Variants in ITPKC observed in about 807,000 individuals in gnomAD.
The protein encoded by ITPKC is IP3 3-kinase C.
Under a neutral mutation model 67.1 loss-of-function variants are expected in ITPKC, and 33 were observed. The ratio of observed to expected loss-of-function variants is 0.49; its 90% confidence interval spans 0.37 to 0.66. ITPKC has a LOEUF of 0.66. Among genes scored for constraint, ITPKC ranks in the 30% least tolerant of loss-of-function variants. ITPKC has a pLI of 0.00. For missense variants in ITPKC, 820 were observed against 892.1 expected (o/e 0.92, Z 1.03); for synonymous variants, 341 against 359.8 (o/e 0.95, Z 0.59).
At chr19:40,731,946 A>C (rs932194656) in intron 3 of ITPKC, among the ~76,000 whole-genome samples, 12 of 151,906 alleles carry the variant, frequency 7.9e-5, no homozygotes, top group Admixed American at 3.9e-4. Context: ...AAATTATAAC[A>C]AAAGATTGTG....
intron 6 of ITPKC, 51 bp downstream of exon 6, chr19:40,737,820 G>A (rs960604761): frequency 1.4e-6 from 2 of 1,450,762 alleles, no homozygotes; most frequent in South Asian, 1.1e-5. Context: ...GGGTCCAGGT[G>A]CATGGAGGGG....
At chr19:40,731,432 C>T (rs1420330560) in intron 3 of ITPKC, among the ~76,000 whole-genome samples, 1 of 152,120 alleles carries the variant, frequency 6.6e-6, no homozygotes, top group African/African-American at 2.4e-5. Context: ...CAAAACCAGT[C>T]CCTGGTTGGG....
intron 1 of ITPKC, among the ~76,000 whole-genome samples, 184 bp downstream of exon 1, chr19:40,718,474 C>G (rs192494647): frequency 6.6e-6 from 1 of 152,124 alleles, no homozygotes; most frequent in African/African-American, 2.4e-5. Flanking sequence ...CTCCAGGCAC[C>G]CCTTCTTAAT....
chr19:40,729,649 C>T (rs944679926), intron 3 of ITPKC, among the ~76,000 whole-genome samples: 2 of 152,062 alleles, frequency 1.3e-5, no homozygotes, highest in African/African-American at 4.8e-5. Context: ...TGCCTGTAAT[C>T]CCAGCTACTC....
At chr19:40,733,401 G>A (rs776689346) in intron 4 of ITPKC, 37 bp downstream of exon 4, 2 of 1,559,386 alleles carry the variant, frequency 1.3e-6, no homozygotes, top group South Asian at 1.2e-5. Flanking sequence ...TCCCGGGAAG[G>A]CCTATAGCCA....
Position 40,717,112 on chromosome 19 carries a change from G to T in ITPKC, c.-24G>T. On this transcript the variant is annotated 5_prime_UTR_variant, in exon 1 of 7. Transcript: ENST00000263370. ...AGGGATAGGAGGGGCCGGGTCGGCC[G>T]AAGCCCGAACCGAAGGAGCGGGCAT... 8.3e-7 allele frequency: 1 copy of T among 1,210,736 alleles called. No individual in the cohort carries two copies. Among genetic ancestry groups the T allele is most frequent in the Non-Finnish European group, 1.0e-6 (1 of 971,162 alleles). The allele number at this position is 1,210,736 out of a possible 1,614,324, so 75.0% of individuals were successfully genotyped here. A position where few individuals can be genotyped will look rare whatever the true frequency, so the allele number is the denominator to read the frequency against.
Position 40,740,278 on chromosome 19 carries a change from C to T in ITPKC, c.*718C>T, listed in dbSNP as rs1449770379. 6.5e-6 allele frequency: 1 copy of T among 153,446 alleles called. No homozygotes were observed. Among genetic ancestry groups the T allele is most frequent in the African/African-American group, 2.4e-5 (1 of 41,506 alleles). 9.5% of individuals were successfully genotyped at this position (153,446 alleles called of 1,614,324 possible). A position where few individuals can be genotyped will look rare whatever the true frequency, so the allele number is the denominator to read the frequency against. On this transcript the variant is annotated 3_prime_UTR_variant, in exon 7 of 7. Coordinates refer to ENST00000263370, the MANE Select transcript of ITPKC (RefSeq NM_025194.3). ...CACAGCCACATCCCAGCTTCTGTGC[C>T]AGCACTGTGACAGTACCTCGCTCCT...
intron 2 of ITPKC, 143 bp from the exon 3 acceptor site, chr19:40,729,057 TAA>T: frequency 1.7e-6 from 1 of 600,434 alleles, no homozygotes; most frequent in Non-Finnish European, 2.9e-6. Context: ...TTAAAATCAT[TAA>T]AAAAAAAGTT....
rs748464258 is a variant in ITPKC, at chr19:40,717,688, C to T, written c.553C>T (p.Pro185Ser). 12 of 1,613,940 alleles carry T rather than the reference C, an allele frequency of 7.4e-6. No homozygotes were observed. In the East Asian group the frequency reaches 1.8e-4, roughly 24 times the overall value. Residue 185 changes from proline (P) to serine (S), a missense_variant, in exon 1 of 7, where the codon CCA (proline) becomes TCA (serine). Around this residue, in one of 2 missense-constraint regions of ITPKC, gnomAD observed 481 missense variants for 470.1 expected, o/e 1.02. Transcript: ENST00000263370. Reference sequence around the variant, plus strand: ...GGAAACGCATGGGTCACAGACTCAGCCAGAGAGGGTCAAGTCCTGGGCTGA... The same window carrying T: ...GGAAACGCATGGGTCACAGACTCAGTCAGAGAGGGTCAAGTCCTGGGCTGA... Reference protein sequence around the residue: ...ELETHGSQTQPERVKSWADNL... With the variant: ...ELETHGSQTQSERVKSWADNL...
In ITPKC at chr19:40,718,310, C is replaced by T. The variant is rs773179570; in HGVS notation, c.1155+20C>T. On this transcript the variant is annotated intron_variant, in intron 1 of 6. Transcript: ENST00000263370. The stretch of plus-strand genomic sequence containing the variant: ...TCTGGGGTGAGTGGGACCCATCCTG[C>T]CCTTGAGCCACATCACGCAAAACTC... The T allele has an allele frequency of 2.7e-6, 4 of 1,496,272 alleles. No individual in the cohort carries two copies. In the East Asian group the frequency reaches 9.1e-5, roughly 34 times the overall value. The allele number at this position is 1,496,272 out of a possible 1,614,324, so 92.7% of individuals were successfully genotyped here. A position where few individuals can be genotyped will look rare whatever the true frequency, so the allele number is the denominator to read the frequency against.
intron 2 of ITPKC, among the ~76,000 whole-genome samples, chr19:40,726,209 G>T (rs1295617520): frequency 6.6e-6 from 1 of 151,342 alleles, no homozygotes; most frequent in African/African-American, 2.4e-5. Context: ...GCATTGCACT[G>T]CAGCCTGAGT....
Position 40,733,218 on chromosome 19 carries a change from A to G in ITPKC, c.1528A>G (p.Met510Val). 1 of 1,614,234 alleles carries G rather than the reference A, an allele frequency of 6.2e-7. No homozygotes were observed. The highest frequency in any genetic ancestry group is 8.5e-7 in the Non-Finnish European group (1 of 1,180,044). Reference sequence around the variant, plus strand: ...GGAACGTCCCCGTCCCCGGAAGGACATGTATGAGAAGATGGTGGCTGTGGA... The same window carrying G: ...GGAACGTCCCCGTCCCCGGAAGGACGTGTATGAGAAGATGGTGGCTGTGGA... Reference protein sequence around the residue: ...ARERPRPRKDMYEKMVAVDPG... With the variant: ...ARERPRPRKDVYEKMVAVDPG... Residue 510 changes from methionine (M) to valine (V), a missense_variant, in exon 4 of 7, where the codon ATG becomes GTG. Coordinates refer to ENST00000263370, the MANE Select transcript of ITPKC (RefSeq NM_025194.3).
chr19:40,726,303 T>C (rs577047331), intron 2 of ITPKC, among the ~76,000 whole-genome samples: 57 of 152,050 alleles, frequency 3.7e-4, no homozygotes, highest in African/African-American at 1.4e-3. Flanking sequence ...CCTTGCCTTC[T>C]CCGCGTGTTC....
At chr19:40,721,033 C>G (rs181259263) in intron 1 of ITPKC, among the ~76,000 whole-genome samples, 124 of 152,148 alleles carry the variant, frequency 8.1e-4, no homozygotes, top group African/African-American at 2.9e-3. Context: ...CCTCAGCCTC[C>G]CAAAGTGCTG....
Position 40,737,743 on chromosome 19 carries a change from A to G in ITPKC, c.1822A>G (p.Ile608Val). 2 of 1,614,058 alleles carry G rather than the reference A, an allele frequency of 1.2e-6. No homozygotes were observed. The highest frequency in any genetic ancestry group is 1.7e-6 in the Non-Finnish European group (2 of 1,180,000). The change falls in exon 6 of 7, where the codon ATC (isoleucine) becomes GTC (valine). Residue 608 changes from isoleucine (I) to valine (V), a missense_variant. Ile to Val is a conservative substitution (Grantham distance 29). Coordinates refer to ENST00000263370, the MANE Select transcript of ITPKC (RefSeq NM_025194.3). ...AGAAGAACTTCGTGAAGCTCTGGAG[A>G]TCTCCCCCTTCTTCAAGACCCACGA... ...CLEELREALE[I>V]SPFFKTHEVV...
At position 40,729,298 on chromosome 19, in the gene ITPKC, C is replaced by A; in HGVS notation, c.1352C>A (p.Pro451His). ...LEQLMKDPLR[P>H]FVPAYYGMVL... is the part of the protein sequence containing the mutation. The stretch of plus-strand genomic sequence containing the variant: ...CAGCTGATGAAAGACCCGCTGCGAC[C>A]TTTCGTGCCTGCCTACTATGGCATG... Residue 451 changes from proline to histidine, a missense_variant, in exon 3 of 7, where the codon CCT (proline) becomes CAT (histidine). Physicochemically the swap from Pro to His is moderately conservative, Grantham distance 77. Around this residue, in one of 2 missense-constraint regions of ITPKC, gnomAD observed 339 missense variants for 422.0 expected, o/e 0.80. Coordinates refer to ENST00000263370, the MANE Select transcript of ITPKC (RefSeq NM_025194.3). 1 of 1,614,178 alleles carries A rather than the reference C, an allele frequency of 6.2e-7. No homozygotes were observed. The highest frequency in any genetic ancestry group is 8.5e-7 in the Non-Finnish European group (1 of 1,180,022).
Position 40,726,472 on chromosome 19 carries a change from G to A in ITPKC, c.1255+1033G>A, listed in dbSNP as rs565466946. 3.1e-4 allele frequency among the ~76,000 whole-genome samples: 47 copies of A among 152,318 alleles called. 3 individuals are homozygous for A. The highest frequency in any genetic ancestry group is 4.4e-5 in the Non-Finnish European group (3 of 68,036). On this transcript the variant is annotated intron_variant, in intron 2 of 6. Coordinates refer to ENST00000263370, the MANE Select transcript of ITPKC (RefSeq NM_025194.3). ...GTTTTGTGGGCCTATGGTCTCTGTC[G>A]CAACTACTCAGCTCTGCTGTTACAG... is the stretch of plus-strand genomic sequence containing the variant.
rs142761233 is a variant in ITPKC at position 40,723,549 on chromosome 19, T to C, written c.1156-1791T>C. 3.3e-5 allele frequency among the ~76,000 whole-genome samples: 5 copies of C among 152,028 alleles called. No individual in the cohort carries two copies. In the East Asian group the frequency reaches 9.7e-4, roughly 29 times the overall value. On this transcript the variant is annotated intron_variant, in intron 1 of 6. Coordinates refer to ENST00000263370, the MANE Select transcript of ITPKC (RefSeq NM_025194.3). ...TCTTGCTCTGTCGCCCAGGCTGGAG[T>C]GCAGTGGCGTGTTCTTGGCTCACCG...
intron 2 of ITPKC, among the ~76,000 whole-genome samples, 181 bp downstream of exon 2, chr19:40,725,620 TTC>T (rs1328515501): frequency 6.6e-6 from 1 of 152,230 alleles, no homozygotes; most frequent in East Asian, 1.9e-4. Context: ...CAGAGGGCTA[TTC>T]CTTGTTATTC....
Sources: allele counts gnomAD v4.1 joint callset (sites outside exome capture counted in the v4.1 genomes callset), GRCh38; gene constraint gnomAD v4.1.1; regional missense constraint gnomAD v4.1.1; transcripts MANE v1.5; gene names NCBI Gene and HGNC (gene_info 2026-07-23, HGNC 2026-07-21).